The following PPARG variants were observed in gnomAD, a reference collection of about 807,000 sequenced individuals.
PPARG encodes the protein peroxisome proliferator activated receptor gamma, also known as peroxisome proliferator-activated receptor gamma.
Under a neutral mutation model 39.2 loss-of-function variants are expected in PPARG, and 17 were observed. That is an observed-to-expected ratio of 0.43 (90% confidence interval 0.30 to 0.65). The LOEUF is 0.65. Ranked by LOEUF, PPARG falls within the 30% of genes least tolerant of loss-of-function variation. The pLI is 0.13. For missense variants in PPARG, 406 were observed against 585.9 expected, an observed-to-expected ratio of 0.69 and a Z score of 3.17; for synonymous variants, 223 against 215.7, an observed-to-expected ratio of 1.03 and a Z score of -0.30.
chr3:12,363,042 C>T (rs1404345073), intron 2 of PPARG, among the ~76,000 whole-genome samples: 1 of 152,052 alleles, frequency 6.6e-6, no homozygotes, highest in Non-Finnish European at 1.5e-5. Context: ...ACCTCAGCCT[C>T]TTCCAGTAGC....
intron 2 of PPARG, among the ~76,000 whole-genome samples, chr3:12,378,195 T>C (rs531041568): frequency 1.8e-4 from 28 of 152,318 alleles, no homozygotes; most frequent in East Asian, 9.6e-4. Flanking sequence ...ATAGTCATTA[T>C]GGAAAACAGA....
intron 2 of PPARG, among the ~76,000 whole-genome samples, chr3:12,361,962 C>T (rs1272080293): frequency 1.3e-5 from 2 of 152,132 alleles, no homozygotes; most frequent in African/African-American, 2.4e-5. Flanking sequence ...TGAACATGAA[C>T]TATCCTTTCA....
chr3:12,403,595 A>G (rs1299037257), intron 5 of PPARG, among the ~76,000 whole-genome samples: 1 of 152,110 alleles, frequency 6.6e-6, no homozygotes, highest in African/African-American at 2.4e-5. Flanking sequence ...GCCTCAGGCA[A>G]TCCTTTCACT....
chr3:12,429,741 A>C (rs2051592037), intron 7 of PPARG, among the ~76,000 whole-genome samples: 1 of 152,058 alleles, frequency 6.6e-6, no homozygotes, highest in Non-Finnish European at 1.5e-5. Context: ...TTCATCAAGC[A>C]GGAGGATCTG....
chr3:12,401,787 T>C (rs1423583643), intron 5 of PPARG, among the ~76,000 whole-genome samples: 1 of 152,226 alleles, frequency 6.6e-6, no homozygotes, highest in African/African-American at 2.4e-5. Flanking sequence ...GTTGCACTGG[T>C]AGTTAAATGG....
At chr3:12,307,218 T>C (rs1234844749) in intron 1 of PPARG, among the ~76,000 whole-genome samples, 1 of 151,240 alleles carries the variant, frequency 6.6e-6, no homozygotes, top group Non-Finnish European at 1.5e-5. Context: ...CAGAGGTCAA[T>C]TGAATATAGC....
intron 2 of PPARG, among the ~76,000 whole-genome samples, chr3:12,321,325 A>G (rs1056837668): frequency 6.6e-6 from 1 of 152,124 alleles, no homozygotes; most frequent in Non-Finnish European, 1.5e-5. Flanking sequence ...CTTAATATAT[A>G]TGGGGTAACT....
intron 7 of PPARG, among the ~76,000 whole-genome samples, chr3:12,423,000 C>G (rs781581598): frequency 2.6e-5 from 4 of 152,148 alleles, no homozygotes; most frequent in Non-Finnish European, 5.9e-5. Context: ...AAAATTAACA[C>G]CCTAGGTTTT....
At chr3:12,308,440 ATGC>A (rs1473618417) in intron 1 of PPARG, among the ~76,000 whole-genome samples, 2 of 151,816 alleles carry the variant, frequency 1.3e-5, no homozygotes, top group African/African-American at 4.8e-5. Flanking sequence ...AAAATATCAA[ATGC>A]TGCAGAGGCA....
intron 5 of PPARG, among the ~76,000 whole-genome samples, chr3:12,405,161 C>G (rs2050615196): frequency 6.6e-6 from 1 of 152,200 alleles, no homozygotes; most frequent in Non-Finnish European, 1.5e-5. Context: ...TTTCCCCAAA[C>G]TAGTCCCCAC....
At chr3:12,395,547 A>G (rs1313045045) in intron 5 of PPARG, among the ~76,000 whole-genome samples, 1 of 152,196 alleles carries the variant, frequency 6.6e-6, no homozygotes. Flanking sequence ...CATCGTCTAC[A>G]TGTTGTAGAA....
At position 12,405,962 on chromosome 3, in the gene PPARG, C is replaced by T. The variant is rs778527431; in HGVS notation, c.610C>T (p.Pro204Ser). The T allele has an allele frequency of 1.9e-6, 3 of 1,614,138 alleles. No homozygotes were observed. The highest frequency in any genetic ancestry group is 2.5e-6 in the Non-Finnish European group (3 of 1,180,024). ...CTCCAGTGATATCGACCAGCTGAAT[C>T]CAGAGTCCGCTGACCTCCGGGCCCT... ...EISSDIDQLN[P>S]ESADLRALAK... The change falls in exon 6 of 8, where the codon CCA becomes TCA. Residue 204 changes from proline to serine, a missense_variant. Physicochemically the swap from Pro to Ser is moderately conservative, Grantham distance 74. Coordinates refer to ENST00000651735, the MANE Select transcript of PPARG (RefSeq NM_138711.6).
At chr3:12,340,527 CAA>C (rs1340054072) in intron 2 of PPARG, among the ~76,000 whole-genome samples, 2 of 151,936 alleles carry the variant, frequency 1.3e-5, no homozygotes, top group Non-Finnish European at 2.9e-5. Context: ...AAAATGTTTC[CAA>C]AGTTTCAAAT....
At chr3:12,374,817 T>C (rs2049349218) in intron 2 of PPARG, among the ~76,000 whole-genome samples, 1 of 152,132 alleles carries the variant, frequency 6.6e-6, no homozygotes, top group South Asian at 2.1e-4. Flanking sequence ...GCTCTGTACT[T>C]TCTGCTCAAT....
intron 2 of PPARG, among the ~76,000 whole-genome samples, chr3:12,377,728 C>A (rs947150516): frequency 7.9e-5 from 12 of 152,216 alleles, no homozygotes; most frequent in African/African-American, 2.9e-4. Flanking sequence ...GAACCCTGTG[C>A]ACACTTTAAA....
intron 1 of PPARG, among the ~76,000 whole-genome samples, chr3:12,311,000 CAT>C (rs373114845): frequency 2.0e-4 from 30 of 152,198 alleles, no homozygotes; most frequent in South Asian, 8.3e-4. Context: ...AAACATAAAA[CAT>C]GTGGGCATTA....
At chr3:12,349,469 G>A (rs1203420827) in intron 2 of PPARG, among the ~76,000 whole-genome samples, 3 of 152,172 alleles carry the variant, frequency 2.0e-5, no homozygotes, top group Non-Finnish European at 4.4e-5. Context: ...GGGATGCTTT[G>A]CGTGTTGCTT....
Position 12,300,600 on chromosome 3 carries a change from G to C in PPARG, c.-83+11466G>C, listed in dbSNP as rs566588615. Among the ~76,000 whole-genome samples, 3 of 151,676 alleles carry C rather than the reference G, an allele frequency of 2.0e-5. No individual in the cohort carries two copies. The East Asian group carries it at 5.8e-4, about 29-fold the overall frequency. On this transcript the variant is annotated intron_variant, in intron 1 of 7. Coordinates refer to ENST00000651735, the MANE Select transcript of PPARG (RefSeq NM_138711.6). Reference sequence around the variant, plus strand: ...GCTTTTTTTTTTTTCATTCTCAAAGGAGGTGAAACCAGCTTTTGAATTCAG... The same window carrying C: ...GCTTTTTTTTTTTTCATTCTCAAAGCAGGTGAAACCAGCTTTTGAATTCAG...
chr3:12,368,250 C>T (rs192180740), intron 2 of PPARG, among the ~76,000 whole-genome samples: 2 of 142,736 alleles, frequency 1.4e-5, no homozygotes, highest in Non-Finnish European at 3.0e-5. Flanking sequence ...GGCATGAACT[C>T]GGCTCACTGC....
Sources: gnomAD v4.1 joint callset for allele counts (sites outside exome capture counted in the v4.1 genomes callset) on GRCh38, gnomAD v4.1.1 for gene constraint, MANE v1.5 for transcripts, NCBI Gene and HGNC (gene_info 2026-07-23, HGNC 2026-07-21) for gene names.